GMDS: variants seen among roughly 807,000 people sequenced by gnomAD.
GMDS encodes the protein GDP-mannose 4,6 dehydratase.
GMDS carries 20 observed loss-of-function variants against 49.9 expected under a neutral mutation model. The ratio of observed to expected loss-of-function variants is 0.40; its 90% CI spans 0.28 to 0.58. GMDS has a LOEUF of 0.58. GMDS is among the 20% of genes least tolerant of loss of function. The pLI is 0.42. For missense variants in GMDS, 362 were observed against 481.4 expected (o/e 0.75, Z 2.32); for synonymous variants, 177 against 178.6 (o/e 0.99, Z 0.07).
At chr6:2,065,854 A>G (rs1402612823) in intron 4 of GMDS, among the ~76,000 whole-genome samples, 2 of 152,222 alleles carry the variant, frequency 1.3e-5, no homozygotes, top group East Asian at 1.9e-4. Context: ...TCTGCAGGAT[A>G]TTATCCAGAA....
intron 7 of GMDS, among the ~76,000 whole-genome samples, chr6:1,832,012 A>C (rs1042113573): frequency 6.6e-6 from 1 of 152,026 alleles, no homozygotes; most frequent in African/African-American, 2.4e-5. Flanking sequence ...AAATATATAA[A>C]AACTACCATC....
At chr6:2,180,613 C>T (rs919616159) in intron 1 of GMDS, among the ~76,000 whole-genome samples, 2 of 152,052 alleles carry the variant, frequency 1.3e-5, no homozygotes, top group East Asian at 3.9e-4. Context: ...ACTTGTTCCT[C>T]TGTGGAATTA....
chr6:2,040,396 T>C (rs1214009136), intron 4 of GMDS, among the ~76,000 whole-genome samples: 1 of 152,148 alleles, frequency 6.6e-6, no homozygotes, highest in African/African-American at 2.4e-5. Flanking sequence ...AAAGAATCAG[T>C]GACTGTGGGA....
chr6:1,785,466 G>A (rs1181302815), intron 7 of GMDS, among the ~76,000 whole-genome samples: 5 of 152,216 alleles, frequency 3.3e-5, no homozygotes, highest in Non-Finnish European at 7.3e-5. Context: ...TTCCACAGCT[G>A]GCAGCTGTAC....
intron 4 of GMDS, among the ~76,000 whole-genome samples, chr6:1,970,896 C>T (rs1204997351): frequency 6.7e-6 from 1 of 149,610 alleles, no homozygotes; most frequent in Non-Finnish European, 1.5e-5. Flanking sequence ...AGCCAACCAG[C>T]ATGGCACGTG....
rs140428914 is a variant in GMDS, at chr6:1,777,743, G to C, written c.772-35157C>G. Among the ~76,000 whole-genome samples the C allele has an allele frequency of 2.8e-3, 429 of 152,294 alleles. 2 individuals are homozygous for C. Among genetic ancestry groups the C allele is most frequent in the African/African-American group, 9.8e-3 (409 of 41,560 alleles). ...CATTTGTGGAACACTTTCTTCTTCG[G>C]GGGATGGAGGGATAGCAAGAGGGTA... On this transcript the variant is annotated intron_variant, in intron 7 of 10. Coordinates refer to ENST00000380815, the MANE Select transcript of GMDS (RefSeq NM_001500.4).
chr6:2,098,690 G>A (rs1299102382), intron 4 of GMDS, among the ~76,000 whole-genome samples: 1 of 152,052 alleles, frequency 6.6e-6, no homozygotes, highest in African/African-American at 2.4e-5. Flanking sequence ...GTTAAACTAT[G>A]GCTGATAATA....
At chr6:2,097,335 G>A (rs1773664246) in intron 4 of GMDS, among the ~76,000 whole-genome samples, 1 of 152,142 alleles carries the variant, frequency 6.6e-6, no homozygotes. Flanking sequence ...CGGCGACTGA[G>A]CATTATCACC....
rs149661400 is a variant in GMDS, at chr6:2,137,286, A to G, written c.103-12555T>C. On this transcript the variant is annotated intron_variant, in intron 1 of 10. Coordinates refer to ENST00000380815, the MANE Select transcript of GMDS (RefSeq NM_001500.4). ...AGACTTTCAAATTAGTTCATTCAAA[A>G]GTAGTGTGATCTGAGTCAGAAAACA... Among the ~76,000 whole-genome samples, 864 of 151,880 alleles carry G rather than the reference A, an allele frequency of 5.7e-3. 2 individuals are homozygous for G. Among genetic ancestry groups the G allele is most frequent in the Middle Eastern group, 0.017 (5 of 286 alleles).
chr6:1,666,796 G>A (rs750809497), intron 9 of GMDS, among the ~76,000 whole-genome samples: 10 of 152,160 alleles, frequency 6.6e-5, no homozygotes, highest in East Asian at 1.9e-4. Flanking sequence ...CCTTCTAAGC[G>A]GAACGATAGT....
Position 2,030,678 on chromosome 6 carries a change from G to C in GMDS, c.346-69712C>G, listed in dbSNP as rs150335024. ...GGAACTATTACTTTCTGAGGGTGAA[G>C]GTAACAGATTTTTTTTAAGTAGTAC... On this transcript the variant is annotated intron_variant, in intron 4 of 10. Transcript: ENST00000380815. 2.5e-3 allele frequency among the ~76,000 whole-genome samples: 375 copies of C among 152,222 alleles called. 1 individual carries two copies. Among genetic ancestry groups the C allele is most frequent in the African/African-American group, 8.8e-3 (364 of 41,526 alleles).
intron 9 of GMDS, among the ~76,000 whole-genome samples, chr6:1,719,840 A>G (rs545942380): frequency 8.5e-5 from 13 of 152,334 alleles, no homozygotes; most frequent in African/African-American, 2.9e-4. Context: ...AGATGCTAAA[A>G]CAGACTTTTA....
intron 1 of GMDS, among the ~76,000 whole-genome samples, chr6:2,125,498 G>T (rs1479173923): frequency 6.6e-6 from 1 of 152,250 alleles, no homozygotes; most frequent in East Asian, 1.9e-4. Flanking sequence ...GGAAGCTGAG[G>T]TGGGAGGATC....
chr6:1,674,556 CTCTCTTTT>C (rs201112863), intron 9 of GMDS, among the ~76,000 whole-genome samples: 6,978 of 82,740 alleles, frequency 0.084, 86 homozygotes, highest in Middle Eastern at 0.15. Context: ...CTCTCTCTCT[CTCTCTTTT>C]TTTTTTTTTT....
intron 7 of GMDS, among the ~76,000 whole-genome samples, chr6:1,790,640 C>T (rs368149560): frequency 1.3e-5 from 2 of 152,034 alleles, no homozygotes; most frequent in Admixed American, 6.6e-5. Flanking sequence ...TAGTATATAT[C>T]GTTTTTGTAT....
intron 4 of GMDS, among the ~76,000 whole-genome samples, chr6:2,094,641 T>C (rs556185143): frequency 3.1e-4 from 47 of 152,288 alleles, no homozygotes; most frequent in Non-Finnish European, 1.0e-4. Context: ...TGGGTAGGCA[T>C]ATTTGGTGCA....
At chr6:1,944,749 T>A (rs1762994546) in intron 6 of GMDS, among the ~76,000 whole-genome samples, 2 of 150,852 alleles carry the variant, frequency 1.3e-5, no homozygotes, top group South Asian at 4.2e-4. Flanking sequence ...CCACCCAGCA[T>A]AAAGACTGCA....
intron 9 of GMDS, among the ~76,000 whole-genome samples, chr6:1,708,593 A>G (rs1459185798): frequency 6.6e-6 from 1 of 152,240 alleles, no homozygotes; most frequent in Non-Finnish European, 1.5e-5. Context: ...ATCTTGGGAA[A>G]AGCAGGTTTG....
chr6:1,803,398 C>CT (rs1402540154), intron 7 of GMDS, among the ~76,000 whole-genome samples: 1 of 150,280 alleles, frequency 6.7e-6, no homozygotes, highest in Non-Finnish European at 1.5e-5. Flanking sequence ...TTTTTTTTTT[C>CT]TTTTTTCCGT....
Sources: allele counts gnomAD v4.1 joint callset (sites outside exome capture counted in the v4.1 genomes callset), GRCh38; gene constraint gnomAD v4.1.1; transcripts MANE v1.5; gene names NCBI Gene and HGNC (gene_info 2026-07-23, HGNC 2026-07-21).